COL4A2: variants seen among roughly 807,000 people sequenced by gnomAD.
COL4A2 encodes the protein collagen alpha-2(IV) chain.
A neutral mutation model predicts 200.2 loss-of-function variants in COL4A2; 99 were observed. That is an observed-to-expected ratio of 0.49 (90% CI 0.42 to 0.58). The LOEUF is 0.58. Ranked by LOEUF, COL4A2 falls within the 20% of genes least tolerant of loss-of-function variation. The pLI is 0.00. For missense variants in COL4A2, 1,950 were observed against 2,314.1 expected, an observed-to-expected ratio of 0.84 and a Z score of 3.23; for synonymous variants, 897 against 900.6, an observed-to-expected ratio of 1.00 and a Z score of 0.07.
chr13:110,308,503 G>C (rs139745216), intron 3 of COL4A2, among the ~76,000 whole-genome samples: 1 of 152,156 alleles, frequency 6.6e-6, no homozygotes, highest in African/African-American at 2.4e-5. Context: ...CCTGGAACTC[G>C]GGAGCTGGTG....
At chr13:110,413,538 T>G (rs928006494) in intron 4 of COL4A2, among the ~76,000 whole-genome samples, 1 of 152,168 alleles carries the variant, frequency 6.6e-6, no homozygotes, top group African/African-American at 2.4e-5. Context: ...GAGGGCTGCG[T>G]GTGCCATGGC....
intron 3 of COL4A2, among the ~76,000 whole-genome samples, chr13:110,343,329 G>A (rs1006136274): frequency 3.3e-5 from 5 of 152,150 alleles, no homozygotes. Flanking sequence ...AGGAGTAGGC[G>A]TCTGCTGTGA....
Position 110,508,047 on chromosome 13 carries a change from C to T in COL4A2, c.4707C>T (p.Thr1569=), listed in dbSNP as rs1566574800. The change falls in exon 47 of 48, where the codon ACC becomes ACT. Residue 1569 remains threonine (T), a synonymous_variant. Transcript: ENST00000360467. This position sits in a 1 kb window ranked among gnomAD's most constrained non-coding sequence, Gnocchi z 6.1. ...SRNDKSYWLS[T]TAPLPMMPVA... is the part of the protein sequence containing the mutation. The stretch of plus-strand genomic sequence containing the variant: ...ACGACAAGTCCTACTGGCTCTCTAC[C>T]ACTGCGCCGCTGCCCATGATGCCCG... 1.2e-6 allele frequency: 2 copies of T among 1,614,254 alleles called. No homozygotes were observed. Among genetic ancestry groups the T allele is most frequent in the Non-Finnish European group, 1.7e-6 (2 of 1,180,046 alleles).
At position 110,399,609 on chromosome 13, in the gene COL4A2, C is replaced by A. The variant is rs184451964; in HGVS notation, c.181-25125C>A. Among the ~76,000 whole-genome samples, 4 of 152,290 alleles carry A rather than the reference C, an allele frequency of 2.6e-5. No individual in the cohort carries two copies. In the East Asian group the frequency reaches 7.7e-4, roughly 29 times the overall value. On this transcript the variant is annotated intron_variant, in intron 4 of 47. Coordinates refer to ENST00000360467, the MANE Select transcript of COL4A2 (RefSeq NM_001846.4). ...AACCTTTTATTCTCCAGATGCATAG[C>A]ATTCCCTTGGTGACACAATCCAGTT...
chr13:110,361,271 T>C (rs746781757), intron 4 of COL4A2, among the ~76,000 whole-genome samples: 1 of 152,252 alleles, frequency 6.6e-6, no homozygotes, highest in Non-Finnish European at 1.5e-5. Flanking sequence ...GAAGCATTGC[T>C]CTGTCTGCCC....
chr13:110,462,030 T>G, intron 22 of COL4A2, 84 bp from the exon 23 acceptor site: 28 of 1,565,770 alleles, frequency 1.8e-5, no homozygotes, highest in South Asian at 2.3e-5. Flanking sequence ...GCCAGCTGTG[T>G]GAGATGAAAA....
At chr13:110,344,431 C>G (rs565354201) in intron 3 of COL4A2, among the ~76,000 whole-genome samples, 2 of 152,274 alleles carry the variant, frequency 1.3e-5, no homozygotes, top group East Asian at 3.9e-4. Context: ...TTGAAGTAGG[C>G]TGTTTGTTAC....
chr13:110,393,850 G>C (rs1205550436), intron 4 of COL4A2, among the ~76,000 whole-genome samples: 1 of 152,192 alleles, frequency 6.6e-6, no homozygotes, highest in Non-Finnish European at 1.5e-5. Context: ...CTGCACTCCA[G>C]CCTGGGCAAG....
intron 3 of COL4A2, among the ~76,000 whole-genome samples, chr13:110,341,551 G>A (rs540220074): frequency 6.6e-6 from 1 of 152,328 alleles, no homozygotes; most frequent in African/African-American, 2.4e-5. Context: ...GCTAGAGGAC[G>A]TTTTCTGGGG....
chr13:110,312,688 CTACTGTG>C (rs1885018133), intron 3 of COL4A2, among the ~76,000 whole-genome samples: 1 of 152,220 alleles, frequency 6.6e-6, no homozygotes, highest in Non-Finnish European at 1.5e-5. Flanking sequence ...CTGCTGGTGT[CTACTGTG>C]TGATCACTGC....
At chr13:110,334,479 G>C (rs1331520357) in intron 3 of COL4A2, among the ~76,000 whole-genome samples, 1 of 152,184 alleles carries the variant, frequency 6.6e-6, no homozygotes, top group Non-Finnish European at 1.5e-5. Context: ...GAGTGTTCAT[G>C]CTCATTTCTA....
intron 15 of COL4A2, among the ~76,000 whole-genome samples, chr13:110,439,473 CTT>C (rs1881040414): frequency 6.6e-6 from 1 of 152,172 alleles, no homozygotes; most frequent in Admixed American, 6.5e-5. Context: ...AAATGAGAGT[CTT>C]GGGGTGGCTC....
intron 28 of COL4A2, among the ~76,000 whole-genome samples, chr13:110,469,972 T>C (rs1882403844): frequency 7.0e-6 from 1 of 142,538 alleles, no homozygotes; most frequent in South Asian, 2.3e-4. Flanking sequence ...TGGAGTGCAG[T>C]GGCACAATCT....
At chr13:110,393,108 A>C (rs1879050190) in intron 4 of COL4A2, among the ~76,000 whole-genome samples, 1 of 152,244 alleles carries the variant, frequency 6.6e-6, no homozygotes, top group African/African-American at 2.4e-5. Flanking sequence ...TGCTGAAGGC[A>C]ACAGTATGGA....
intron 29 of COL4A2, among the ~76,000 whole-genome samples, chr13:110,475,386 C>G (rs1485364226): frequency 6.6e-6 from 1 of 152,210 alleles, no homozygotes; most frequent in Non-Finnish European, 1.5e-5. Flanking sequence ...TGTCCACCAT[C>G]GACCTGTTCT....
chr13:110,326,802 C>T (rs987708565), intron 3 of COL4A2, among the ~76,000 whole-genome samples: 1 of 152,198 alleles, frequency 6.6e-6, no homozygotes, highest in Non-Finnish European at 1.5e-5. Context: ...CTCTGCTCGG[C>T]CACCTGTGGA....
intron 36 of COL4A2, 77 bp downstream of exon 36, chr13:110,489,862 A>G (rs1883228550): frequency 6.8e-7 from 1 of 1,468,442 alleles, no homozygotes; most frequent in Non-Finnish European, 9.2e-7. Flanking sequence ...CTTGCCAAAC[A>G]GATCAAATTC....
chr13:110,441,632 G>A (rs1414169441), intron 16 of COL4A2, among the ~76,000 whole-genome samples: 1 of 152,090 alleles, frequency 6.6e-6, no homozygotes, highest in Non-Finnish European at 1.5e-5. Flanking sequence ...CTTAGGAAAA[G>A]CAAATATTGT....
intron 4 of COL4A2, among the ~76,000 whole-genome samples, chr13:110,362,691 G>GCCTTC (rs1566493831): frequency 6.6e-6 from 1 of 152,154 alleles, no homozygotes; most frequent in African/African-American, 2.4e-5. Context: ...TGAATGGGAA[G>GCCTTC]CATCAAAGTG....
Sources: gnomAD v4.1 joint callset for allele counts (sites outside exome capture counted in the v4.1 genomes callset) on GRCh38, gnomAD v4.1.1 for gene constraint, Gnocchi (gnomAD v3.1) non-coding constraint, MANE v1.5 for transcripts, NCBI Gene and HGNC (gene_info 2026-07-23, HGNC 2026-07-21) for gene names.